The following ANKS1B variants were observed in gnomAD, a reference collection of about 807,000 sequenced individuals.
ANKS1B encodes ankyrin repeat and sterile alpha motif domain containing 1B.
A neutral mutation model predicts 148.3 loss-of-function variants in ANKS1B; 36 were observed. The ratio of observed to expected loss-of-function variants is 0.24; its 90% CI spans 0.19 to 0.32. ANKS1B has a LOEUF of 0.32. Among genes scored for constraint, ANKS1B ranks in the 10% least tolerant of loss-of-function variants. The pLI is 1.00. For missense variants in ANKS1B, 1,157 were observed against 1,542.6 expected (o/e 0.75, Z 4.19); for synonymous variants, 542 against 560.8 (o/e 0.97, Z 0.47).
intron 9 of ANKS1B, among the ~76,000 whole-genome samples, chr12:99,517,764 G>C (rs187874753): frequency 8.6e-5 from 13 of 151,966 alleles, no homozygotes; most frequent in African/African-American, 3.1e-4. Flanking sequence ...GCTGACTAAC[G>C]GTGGCAAAAG....
chr12:99,508,187 A>T (rs538611277), intron 9 of ANKS1B, among the ~76,000 whole-genome samples: 1 of 151,874 alleles, frequency 6.6e-6, no homozygotes. Flanking sequence ...AGATTACCAC[A>T]ATTCATTTAC....
intron 1 of ANKS1B, among the ~76,000 whole-genome samples, chr12:99,865,414 G>T (rs1197794596): frequency 6.6e-6 from 1 of 152,034 alleles, no homozygotes; most frequent in Non-Finnish European, 1.5e-5. Flanking sequence ...TCGGTGGGAG[G>T]GGGAAAGGGG....
intron 12 of ANKS1B, among the ~76,000 whole-genome samples, chr12:99,298,578 C>A (rs1390952919): frequency 6.6e-6 from 1 of 152,120 alleles, no homozygotes; most frequent in African/African-American, 2.4e-5. Flanking sequence ...CTAATACAAC[C>A]AGGAACCAGG....
At position 99,404,707 on chromosome 12, in the gene ANKS1B, G is replaced by A. The variant is rs1191280239; in HGVS notation, c.1576-4896C>T. On this transcript the variant is annotated intron_variant, in intron 11 of 26. Coordinates refer to ENST00000683438, the MANE Select transcript of ANKS1B (RefSeq NM_001352186.2). ...AACAGTTATTGGCCTTATAGAGGAGGGAGAGAGGTGGGTGGAATAAAAAGT... is the reference window on the plus strand; with the variant it reads ...AACAGTTATTGGCCTTATAGAGGAGAGAGAGAGGTGGGTGGAATAAAAAGT... Among the ~76,000 whole-genome samples, 5 of 145,342 alleles carry A rather than the reference G, an allele frequency of 3.4e-5. 1 individual carries two copies. The highest frequency in any genetic ancestry group is 1.3e-4 in the African/African-American group (5 of 38,298).
At chr12:99,197,032 A>G (rs2081472657) in intron 14 of ANKS1B, among the ~76,000 whole-genome samples, 1 of 152,124 alleles carries the variant, frequency 6.6e-6, no homozygotes, top group Non-Finnish European at 1.5e-5. Flanking sequence ...TCTGTGTATG[A>G]AATCCAAAGG....
At chr12:99,467,658 G>A (rs1317269182) in intron 10 of ANKS1B, among the ~76,000 whole-genome samples, 2 of 151,960 alleles carry the variant, frequency 1.3e-5, no homozygotes, top group Admixed American at 1.3e-4. Context: ...GACAAACAGA[G>A]AGCCAAATCA....
At chr12:99,909,217 C>CGTGTGTGT (rs60264932) in intron 1 of ANKS1B, among the ~76,000 whole-genome samples, 104 of 137,388 alleles carry the variant, frequency 7.6e-4, no homozygotes, top group African/African-American at 2.4e-3. Flanking sequence ...AATATTCCAT[C>CGTGTGTGT]GTGTGTGTGT....
intron 12 of ANKS1B, among the ~76,000 whole-genome samples, chr12:99,276,320 C>T (rs1490498007): frequency 6.6e-6 from 1 of 152,100 alleles, no homozygotes; most frequent in Non-Finnish European, 1.5e-5. Context: ...AGCTTAGTGA[C>T]TGTATTTGGA....
intron 17 of ANKS1B, among the ~76,000 whole-genome samples, chr12:98,904,860 CT>C (rs5800371): frequency 0.71 from 107,361 of 150,672 alleles, 38,473 homozygotes; most frequent in East Asian, 0.93. Context: ...TTCAGTATCA[CT>C]TTTTTTTTTT....
chr12:98,783,819 A>C (rs2098761660), intron 22 of ANKS1B, among the ~76,000 whole-genome samples: 1 of 152,182 alleles, frequency 6.6e-6, no homozygotes. Context: ...AGAGTGACAC[A>C]ATCAGACCTG....
At chr12:99,790,911 G>T (rs1282794552) in intron 4 of ANKS1B, among the ~76,000 whole-genome samples, 1 of 151,896 alleles carries the variant, frequency 6.6e-6, no homozygotes, top group African/African-American at 2.4e-5. Context: ...AATGACAGGA[G>T]TAAGTCCTTA....
intron 12 of ANKS1B, among the ~76,000 whole-genome samples, chr12:99,261,839 G>A (rs2075956923): frequency 6.6e-6 from 1 of 152,148 alleles, no homozygotes; most frequent in South Asian, 2.1e-4. Context: ...ATGGCACCTT[G>A]ATCCACTCTG....
At chr12:99,410,278 G>A (rs1210483000) in intron 11 of ANKS1B, among the ~76,000 whole-genome samples, 1 of 152,062 alleles carries the variant, frequency 6.6e-6, no homozygotes, top group Non-Finnish European at 1.5e-5. Flanking sequence ...GTAGCAGAGT[G>A]TAGTAGTTGT....
chr12:99,121,322 T>G (rs1160287302), intron 15 of ANKS1B, among the ~76,000 whole-genome samples: 8 of 42,904 alleles, frequency 1.9e-4, no homozygotes, highest in Admixed American at 3.7e-4. Flanking sequence ...TATGTAGGTA[T>G]GTGTGTGTGT....
intron 10 of ANKS1B, among the ~76,000 whole-genome samples, chr12:99,488,732 G>T (rs932782970): frequency 5.3e-5 from 8 of 152,128 alleles, no homozygotes; most frequent in Non-Finnish European, 1.2e-4. Flanking sequence ...TGCTATTCAA[G>T]TCCCACTTTC....
intron 8 of ANKS1B, among the ~76,000 whole-genome samples, chr12:99,733,914 C>T (rs61940284): frequency 2.0e-4 from 31 of 152,274 alleles, no homozygotes; most frequent in African/African-American, 4.8e-4. Flanking sequence ...TAGAAAAGTA[C>T]GCTGCCTTGA....
chr12:99,083,794 C>T (rs562703660), intron 16 of ANKS1B: 9 of 152,172 alleles, frequency 5.9e-5, no homozygotes, highest in Admixed American at 5.9e-4. Context: ...TTATATGGTT[C>T]CTGGGGCCTC....
At chr12:99,805,162 G>A (rs2067432309) in intron 4 of ANKS1B, among the ~76,000 whole-genome samples, 1 of 149,494 alleles carries the variant, frequency 6.7e-6, no homozygotes, top group Non-Finnish European at 1.5e-5. Flanking sequence ...ACTAATAAGG[G>A]GAGAAGGTCA....
chr12:99,726,533 ACAGCCAAATTCTAC>A (rs771788746), intron 8 of ANKS1B, among the ~76,000 whole-genome samples: 5 of 152,234 alleles, frequency 3.3e-5, no homozygotes, highest in African/African-American at 4.8e-5. Context: ...AGAAGGAATC[ACAGCCAAATTCTAC>A]CAGCCAAATT....
Sources: gnomAD v4.1 joint callset for allele counts (sites outside exome capture counted in the v4.1 genomes callset) on GRCh38, gnomAD v4.1.1 for gene constraint, MANE v1.5 for transcripts, NCBI Gene and HGNC (gene_info 2026-07-23, HGNC 2026-07-21) for gene names.